NPRL3: variants seen among roughly 807,000 people sequenced by gnomAD.
NPRL3 encodes GATOR1 complex protein NPRL3.
In NPRL3, 23 loss-of-function variants were observed where a neutral mutation model predicts 57.2. The ratio of observed to expected loss-of-function variants is 0.40; its 90% CI spans 0.29 to 0.57. The LOEUF is 0.57. Ranked by LOEUF, NPRL3 falls within the 20% of genes least tolerant of loss-of-function variation. The pLI is 0.42. For missense variants in NPRL3, 691 were observed against 767.1 expected (o/e 0.90, Z 1.17); for synonymous variants, 333 against 321.1 (o/e 1.04, Z -0.39).
At position 113,086 on chromosome 16, in the gene NPRL3, GAAC is replaced by G. The variant is rs59018861; in HGVS notation, c.394-314_394-312del. Among the ~76,000 whole-genome samples the G allele has an allele frequency of 0.42, 63,687 of 151,754 alleles. 14,195 individuals carry two copies. The highest frequency in any genetic ancestry group is 0.52 in the Non-Finnish European group (34,962 of 67,848). On this transcript the variant is annotated intron_variant, in intron 5 of 13. Coordinates refer to ENST00000611875, the MANE Select transcript of NPRL3 (RefSeq NM_001077350.3). ...AGGAGGCACTGTTGTTCTTAAGGAA[GAAC>G]AACAATGGTGCCTCCCTCACCAAGG...
At chr16:117,172 G>A in intron 5 of NPRL3, 129 bp downstream of exon 5, 1 of 625,876 alleles carries the variant, frequency 1.6e-6, no homozygotes. Flanking sequence ...AGTGCAGTCT[G>A]CCTGCACCCC....
intron 3 of NPRL3, chr16:123,498 C>T (rs943947706): frequency 4.2e-6 from 2 of 471,038 alleles, no homozygotes; most frequent in South Asian, 1.5e-5. Flanking sequence ...GGAGAGGTCT[C>T]GGTCTTACCC....
intron 3 of NPRL3, among the ~76,000 whole-genome samples, chr16:123,821 C>T (rs1477467189): frequency 1.4e-5 from 2 of 142,742 alleles, no homozygotes; most frequent in South Asian, 2.4e-4. Flanking sequence ...ACACTCCCCA[C>T]GCTGAGAAAC....
At chr16:88,387 CAA>C (rs56670370) in intron 13 of NPRL3, among the ~76,000 whole-genome samples, 12,190 of 130,052 alleles carry the variant, frequency 0.094, 863 homozygotes, top group African/African-American at 0.29. Context: ...GACTCCGTCT[CAA>C]AAAAAAAAAA....
At chr16:125,031 ACAC>A (rs1401129528) in intron 3 of NPRL3, 1 of 162,154 alleles carries the variant, frequency 6.2e-6, no homozygotes, top group African/African-American at 2.5e-5. Context: ...AGCCGAGATC[ACAC>A]CACTGCACTC....
intron 8 of NPRL3, 105 bp from the exon 9 acceptor site, chr16:98,406 G>C (rs1339069755): frequency 1.6e-6 from 2 of 1,275,258 alleles, no homozygotes; most frequent in African/African-American, 1.6e-5. Flanking sequence ...ACCAGGTCCT[G>C]CACCAGGTAT....
chr16:91,885 G>A (rs888409178), intron 11 of NPRL3, among the ~76,000 whole-genome samples: 8 of 152,098 alleles, frequency 5.3e-5, no homozygotes, highest in Admixed American at 1.3e-4. Flanking sequence ...TCAGTGGAGG[G>A]GAGGATGGCA....
rs545661261 is a variant in NPRL3 at position 102,644 on chromosome 16, C to T, written c.630-2135G>A. On this transcript the variant is annotated intron_variant, in intron 7 of 13. Coordinates refer to ENST00000611875, the MANE Select transcript of NPRL3 (RefSeq NM_001077350.3). Reference sequence around the variant, plus strand: ...ACCCTATTCTGCTATTCTCAGCTCCCAGTTGGCGGGACAGGCCAACACACC... The same window carrying T: ...ACCCTATTCTGCTATTCTCAGCTCCTAGTTGGCGGGACAGGCCAACACACC... 1.5e-3 allele frequency among the ~76,000 whole-genome samples: 222 copies of T among 152,330 alleles called. 1 individual carries two copies. The highest frequency in any genetic ancestry group is 2.5e-3 in the Non-Finnish European group (170 of 68,026).
Position 121,303 on chromosome 16 carries a change from A to G in NPRL3, c.189-2048T>C, listed in dbSNP as rs1596530519. On this transcript the variant is annotated intron_variant, in intron 3 of 13. Transcript: ENST00000611875. ...GAGGCCAGGGTCTGCAGAGACGGCCAACTGGAAATCTGTGAGCTGAAGTAA... is the reference window on the plus strand; with the variant it reads ...GAGGCCAGGGTCTGCAGAGACGGCCGACTGGAAATCTGTGAGCTGAAGTAA... Among the ~76,000 whole-genome samples the G allele has an allele frequency of 2.0e-5, 3 of 152,312 alleles. No individual in the cohort carries two copies. In the South Asian group the frequency reaches 6.2e-4, roughly 32 times the overall value.
chr16:135,507 G>A (rs1455159893), intron 2 of NPRL3, among the ~76,000 whole-genome samples: 1 of 151,624 alleles, frequency 6.6e-6, no homozygotes, highest in Admixed American at 6.6e-5. Flanking sequence ...TACTCGGGAG[G>A]CTGGGACAGG....
chr16:117,048 G>C (rs561965461), intron 5 of NPRL3, among the ~76,000 whole-genome samples: 4 of 152,158 alleles, frequency 2.6e-5, no homozygotes, highest in African/African-American at 7.2e-5. Context: ...TCTGGATCTA[G>C]ATAGTGGTGA....
intron 3 of NPRL3, among the ~76,000 whole-genome samples, chr16:127,654 ATTT>A (rs555123884): frequency 3.6e-5 from 5 of 139,908 alleles, no homozygotes; most frequent in South Asian, 2.3e-4. Context: ...GAGCAAGTGA[ATTT>A]TTTTTTTTTT....
At position 92,721 on chromosome 16, in the gene NPRL3, A is replaced by G. The variant is rs1218740557; in HGVS notation, c.1036T>C (p.Ser346Pro). 1 of 1,613,462 alleles carries G rather than the reference A, an allele frequency of 6.2e-7. No individual in the cohort carries two copies. Among genetic ancestry groups the G allele is most frequent in the South Asian group, 1.1e-5 (1 of 90,932 alleles). The change falls in exon 11 of 14, where the codon TCC becomes CCC. Residue 346 changes from serine to proline, a missense_variant. Physicochemically the swap from Ser to Pro is moderately conservative, Grantham distance 74. Transcript: ENST00000611875. ...LSPNASVCLY[S>P]PLAEQFSHQF... ...TGGGAGAACTGCTCGGCCAGCGGGG[A>G]GTACCTGCAGGCAGGTGAGCATGCC...
rs1191944943 is a variant in NPRL3, at chr16:86,768, G to A, written c.1647C>T (p.Ser549=). ...CCTCGTGGGTGGTCACCACCAGCACGCTGCGGAACTTGTCAAACAGCATGA... is the reference window on the plus strand; with the variant it reads ...CCTCGTGGGTGGTCACCACCAGCACACTGCGGAACTTGTCAAACAGCATGA... ...QLLMLFDKFR[S]VLVVTTHEDP... Residue 549 remains serine (S), a synonymous_variant, in exon 14 of 14, where the codon AGC becomes AGT. Transcript: ENST00000611875. 27 of 1,597,410 alleles carry A rather than the reference G, an allele frequency of 1.7e-5. 2 individuals are homozygous for A. In the South Asian group the frequency reaches 1.7e-4, roughly 10 times the overall value.
intron 7 of NPRL3, among the ~76,000 whole-genome samples, chr16:108,666 T>C (rs888124006): frequency 6.6e-4 from 37 of 56,056 alleles, no homozygotes; most frequent in African/African-American, 2.8e-3. Context: ...TACTTTTGTT[T>C]TTTAATTTTT....
chr16:119,317 G>A, intron 3 of NPRL3, 62 bp from the exon 4 acceptor site: 1 of 1,512,080 alleles, frequency 6.6e-7, no homozygotes, highest in Non-Finnish European at 9.0e-7. Flanking sequence ...ACCATGCCCT[G>A]CTGGCCCCAG....
chr16:132,932 G>C (rs973015457), intron 2 of NPRL3, among the ~76,000 whole-genome samples: 2 of 152,164 alleles, frequency 1.3e-5, no homozygotes, highest in African/African-American at 4.8e-5. Flanking sequence ...GCCTCCCAAA[G>C]TGCTAGGATT....
At chr16:121,342 G>A (rs1350130773) in intron 3 of NPRL3, among the ~76,000 whole-genome samples, 2 of 152,230 alleles carry the variant, frequency 1.3e-5, no homozygotes, top group African/African-American at 4.8e-5. Flanking sequence ...GGCACACTGG[G>A]CCAGGCGTGG....
rs1356092316 is a variant in NPRL3, at chr16:85,402, G to A, written c.*1303C>T. On this transcript the variant is annotated 3_prime_UTR_variant, in exon 14 of 14. Transcript: ENST00000611875. ...ACTTCCAAACTGTCCGTCCCACAGGGGACGGGGCTTGCGTCTTGCTGCGAG... is the reference window on the plus strand; with the variant it reads ...ACTTCCAAACTGTCCGTCCCACAGGAGACGGGGCTTGCGTCTTGCTGCGAG... 2 of 1,602,704 alleles carry A rather than the reference G, an allele frequency of 1.2e-6. No individual in the cohort carries two copies. Among genetic ancestry groups the A allele is most frequent in the South Asian group, 1.1e-5 (1 of 90,482 alleles).
Sources: gnomAD v4.1 joint callset for allele counts (sites outside exome capture counted in the v4.1 genomes callset) on GRCh38, gnomAD v4.1.1 for gene constraint, MANE v1.5 for transcripts, NCBI Gene and HGNC (gene_info 2026-07-23, HGNC 2026-07-21) for gene names.